USP9X: variants seen among roughly 807,000 people sequenced by gnomAD.
USP9X encodes the protein ubiquitin specific peptidase 9 X-linked.
In USP9X, 7 loss-of-function variants were observed where a neutral mutation model predicts 190.3. That is an observed-to-expected ratio of 0.04 (90% CI 0.02 to 0.07). USP9X has a LOEUF of 0.07. Ranked by LOEUF, USP9X falls within the 10% of genes least tolerant of loss-of-function variation. The probability of loss-of-function intolerance (pLI) is 1.00; values close to 1 mark genes in which losing one functional copy is unlikely to be tolerated. For synonymous variants in USP9X, 645 were observed against 659.5 expected, an observed-to-expected ratio of 0.98 and a Z score of 0.34; for missense variants, 1,010 against 1,916.9, an observed-to-expected ratio of 0.53 and a Z score of 8.83.
intron 31 of USP9X, among the ~76,000 whole-genome samples, chrX:41,203,070 A>C (rs752541607): frequency 8.9e-6 from 1 of 112,185 alleles, no homozygotes; most frequent in African/African-American, 3.2e-5. Context: ...GAGAATACTG[A>C]AAGATAGTTA....
chrX:41,144,912 A>G (rs2062451881), intron 11 of USP9X, among the ~76,000 whole-genome samples: 2 of 111,375 alleles, frequency 1.8e-5, no homozygotes, highest in South Asian at 7.5e-4. Flanking sequence ...GGGAAGGATG[A>G]TTGGCTACAA....
At chrX:41,232,297 G>A (rs1017455195) in intron 44 of USP9X, 90 bp from the exon 45 acceptor site, 4 of 986,030 alleles carry the variant, frequency 4.1e-6, no homozygotes, top group African/African-American at 1.9e-5. Context: ...AAGAATAAGA[G>A]TATACATTTC....
intron 2 of USP9X, among the ~76,000 whole-genome samples, chrX:41,126,119 T>C (rs982303638): frequency 1.8e-5 from 2 of 112,231 alleles, no homozygotes; most frequent in Non-Finnish European, 3.8e-5. Flanking sequence ...GTAAGTAGTA[T>C]AGAAAAGAGC....
chrX:41,126,409 A>T (rs1368845091), intron 2 of USP9X, among the ~76,000 whole-genome samples: 4 of 110,755 alleles, frequency 3.6e-5, no homozygotes, highest in Non-Finnish European at 7.5e-5. Context: ...AGAAGCTAGT[A>T]GTTAGAGTTC....
In USP9X at chrX:41,125,716, T is replaced by TCG. The variant is rs1158615913; in HGVS notation, c.96+1993_96+1994insGC. Among the ~76,000 whole-genome samples, 10 of 100,763 alleles carry TCG rather than the reference T, an allele frequency of 9.9e-5. 1 individual carries two copies. Among genetic ancestry groups the TCG allele is most frequent in the African/African-American group, 4.0e-4 (10 of 24,765 alleles). The allele number at this position is 100,763 out of a possible 115,157, so 87.5% of individuals were successfully genotyped here. ...CTCTCTCTCTCTCTCTCTCTCTCTCTCTCGCGCACGCGCGCGCGCTCTCTC... is the reference window on the plus strand; with the variant it reads ...CTCTCTCTCTCTCTCTCTCTCTCTCTCGCTCGCGCACGCGCGCGCGCTCTCTC... On this transcript the variant is annotated intron_variant, in intron 2 of 44. Coordinates refer to ENST00000378308, the MANE Select transcript of USP9X (RefSeq NM_001039591.3).
intron 1 of USP9X, among the ~76,000 whole-genome samples, chrX:41,112,143 C>G (rs1455341421): frequency 1.8e-5 from 2 of 112,453 alleles, no homozygotes; most frequent in Non-Finnish European, 3.8e-5. Context: ...CTGCGCCCAG[C>G]CAGTCTTTGA....
chrX:41,184,698 C>T (rs755587373), intron 23 of USP9X, 23 bp downstream of exon 23: 5 of 1,159,549 alleles, frequency 4.3e-6, no homozygotes, highest in Admixed American at 2.4e-5. Flanking sequence ...TTTTAAAAAT[C>T]CTTTTATAAT....
At chrX:41,168,327 T>C in intron 18 of USP9X, 109 bp downstream of exon 18, 1 of 691,402 alleles carries the variant, frequency 1.4e-6, no homozygotes, top group South Asian at 4.8e-5. Flanking sequence ...TTGTTGTCTT[T>C]GCCCATTAAA....
intron 17 of USP9X, 122 bp from the exon 18 acceptor site, chrX:41,167,885 T>C: frequency 1.9e-6 from 1 of 526,790 alleles, no homozygotes; most frequent in Non-Finnish European, 3.0e-6. Context: ...TCTACTTAAA[T>C]ATGACTGTTG....
chrX:41,184,047 A>G lies in USP9X; in HGVS notation c.3198A>G (p.Lys1066=). 1.7e-6 allele frequency: 2 copies of G among 1,210,535 alleles called. No homozygotes were observed. The highest frequency in any genetic ancestry group is 2.2e-6 in the Non-Finnish European group (2 of 894,930). The change falls in exon 22 of 45, where the codon AAA becomes AAG. Residue 1066 remains lysine (K), a synonymous_variant. Coordinates refer to ENST00000378308, the MANE Select transcript of USP9X (RefSeq NM_001039591.3). ...KLRAICLDHA[K]LGESSLSPSL... is the part of the protein sequence containing the mutation. Reference sequence around the variant, plus strand: ...GAGCTATTTGTTTAGACCATGCCAAACTTGGAGAAAGCAGCCTTAGTCCAT... The same window carrying G: ...GAGCTATTTGTTTAGACCATGCCAAGCTTGGAGAAAGCAGCCTTAGTCCAT...
At chrX:41,144,381 G>T in intron 10 of USP9X, 141 bp from the exon 11 acceptor site, 1 of 493,508 alleles carries the variant, frequency 2.0e-6, no homozygotes, top group Non-Finnish European at 3.5e-6. Context: ...CACTGTGCGG[G>T]CTGTGTTAGG....
chrX:41,126,773 G>A (rs184737089), intron 2 of USP9X, among the ~76,000 whole-genome samples: 20 of 111,601 alleles, frequency 1.8e-4, no homozygotes, highest in Admixed American at 2.9e-4. Context: ...GATCTGACAC[G>A]GTTGTACCAA....
intron 1 of USP9X, among the ~76,000 whole-genome samples, chrX:41,122,256 C>T (rs1020238946): frequency 1.3e-4 from 14 of 111,228 alleles, no homozygotes; most frequent in African/African-American, 4.3e-4. Context: ...TGCATCTTTA[C>T]GTGGTCTTTA....
intron 1 of USP9X, among the ~76,000 whole-genome samples, chrX:41,103,220 AT>A (rs2062047171): frequency 1.8e-5 from 2 of 112,720 alleles, no homozygotes; most frequent in South Asian, 7.3e-4. Context: ...CTATTGGCTG[AT>A]TTAGGGACTG....
chrX:41,225,165 A>T (rs746866671), intron 41 of USP9X, 28 bp downstream of exon 41: 21 of 1,181,922 alleles, frequency 1.8e-5, no homozygotes, highest in Non-Finnish European at 2.4e-5. Context: ...GACTGGAAAC[A>T]ATTAGGCTTG....
chrX:41,231,209 G>A (rs2063356715), intron 44 of USP9X, among the ~76,000 whole-genome samples: 1 of 111,683 alleles, frequency 9.0e-6, no homozygotes, highest in Non-Finnish European at 1.9e-5. Context: ...TGGAAGGGTT[G>A]CTCCAGCAGA....
chrX:41,213,999 A>T (rs2063189086), intron 33 of USP9X, among the ~76,000 whole-genome samples: 1 of 112,333 alleles, frequency 8.9e-6, no homozygotes, highest in African/African-American at 3.2e-5. Context: ...GTGTCTCACC[A>T]GAAATTGGAA....
chrX:41,131,211 A>G (rs1269814496), intron 3 of USP9X, among the ~76,000 whole-genome samples: 2 of 111,617 alleles, frequency 1.8e-5, no homozygotes, highest in Non-Finnish European at 3.8e-5. Flanking sequence ...TATCAAGATA[A>G]TTTAGTTTTC....
At position 41,230,614 on chromosome X, in the gene USP9X, T is replaced by G; in HGVS notation, c.7527+18T>G. 1 of 1,168,924 alleles carries G rather than the reference T, an allele frequency of 8.6e-7. No individual in the cohort carries two copies. Among genetic ancestry groups the G allele is most frequent in the Non-Finnish European group, 1.2e-6 (1 of 860,368 alleles). ...ATCAACAGGTAAACAGGAGTCAGTTTATGCTTTTATCCCCTAGAACTGGGT... is the reference window on the plus strand; with the variant it reads ...ATCAACAGGTAAACAGGAGTCAGTTGATGCTTTTATCCCCTAGAACTGGGT... On this transcript the variant is annotated intron_variant, in intron 44 of 44. Coordinates refer to ENST00000378308, the MANE Select transcript of USP9X (RefSeq NM_001039591.3).
Sources: gnomAD v4.1 joint callset for allele counts (sites outside exome capture counted in the v4.1 genomes callset) on GRCh38, gnomAD v4.1.1 for gene constraint, MANE v1.5 for transcripts, NCBI Gene and HGNC (gene_info 2026-07-23, HGNC 2026-07-21) for gene names.